KCNQ1: variants seen among roughly 807,000 people sequenced by gnomAD.
KCNQ1 encodes the protein potassium voltage-gated channel subfamily KQT member 1.
Under a neutral mutation model 72.4 loss-of-function variants are expected in KCNQ1, and 49 were observed. The ratio of observed to expected loss-of-function variants is 0.68; its 90% CI spans 0.54 to 0.86. The LOEUF is 0.86. Among genes scored for constraint, KCNQ1 ranks in the 40% least tolerant of loss-of-function variants. KCNQ1 has a pLI of 0.00. For missense variants in KCNQ1, 790 were observed against 945.1 expected (o/e 0.84, Z 2.15); for synonymous variants, 450 against 412.6 (o/e 1.09, Z -1.10).
chr11:2,457,944 C>T lies in KCNQ1; in HGVS notation c.386+12460C>T, dbSNP rs114443517. ...AAATATCTCTGTTTCCTGGAAAGGC[C>T]CAGGACCAAGGACCACTCAGCAGCT... is the stretch of plus-strand genomic sequence containing the variant. On this transcript the variant is annotated intron_variant, in intron 1 of 15. Coordinates refer to ENST00000155840, the MANE Select transcript of KCNQ1 (RefSeq NM_000218.3). The surrounding 1 kb of genome is among the most constrained non-coding windows in gnomAD (Gnocchi z 5.0). 3.9e-3 allele frequency among the ~76,000 whole-genome samples: 597 copies of T among 152,092 alleles called. 5 individuals are homozygous for T. The highest frequency in any genetic ancestry group is 0.013 in the African/African-American group (560 of 41,482).
At chr11:2,688,410 T>G in intron 11 of KCNQ1, 1 of 398,786 alleles carries the variant, frequency 2.5e-6, no homozygotes. Context: ...TGATCCTCTG[T>G]GTAGGCACTG....
chr11:2,518,259 C>T (rs906947311), intron 1 of KCNQ1, among the ~76,000 whole-genome samples: 3 of 152,228 alleles, frequency 2.0e-5, no homozygotes, highest in Admixed American at 2.0e-4. Context: ...AGCCGGAGGC[C>T]TCCTGAGAGC....
chr11:2,514,232 A>C (rs1379246672), intron 1 of KCNQ1, among the ~76,000 whole-genome samples: 1 of 152,218 alleles, frequency 6.6e-6, no homozygotes, highest in African/African-American at 2.4e-5. Context: ...CGTGCAGGAC[A>C]CTGGCTGCCT....
At chr11:2,696,149 G>A (rs1007063828) in intron 11 of KCNQ1, 6 of 398,476 alleles carry the variant, frequency 1.5e-5, no homozygotes, top group Non-Finnish European at 2.7e-5. Context: ...TTAGTCTTGA[G>A]GTTTGTGCTT....
At position 2,522,281 on chromosome 11, in the gene KCNQ1, C is replaced by T. The variant is rs532905178; in HGVS notation, c.387-5647C>T. On this transcript the variant is annotated intron_variant, in intron 1 of 15. Transcript: ENST00000155840. ...GGGACCACATGAGCTGGGGGGGGGT[C>T]GGTGTCTTCTCTCCCCCACCCCTTC... 6.5e-3 allele frequency among the ~76,000 whole-genome samples: 907 copies of T among 139,710 alleles called. 8 individuals are homozygous for T. Among genetic ancestry groups the T allele is most frequent in the African/African-American group, 0.023 (863 of 37,254 alleles). The allele number at this position is 139,710 out of a possible 152,430, so 91.7% of individuals were successfully genotyped here. A position where few individuals can be genotyped will look rare whatever the true frequency, so the allele number is the denominator to read the frequency against.
intron 1 of KCNQ1, among the ~76,000 whole-genome samples, chr11:2,466,573 G>A (rs755151919): frequency 3.3e-5 from 5 of 152,148 alleles, no homozygotes; most frequent in Non-Finnish European, 5.9e-5. Flanking sequence ...GCCCAGGCTC[G>A]GGGGCTTCTG....
intron 10 of KCNQ1, chr11:2,648,906 T>A (rs549705930): frequency 2.0e-5 from 8 of 398,244 alleles, no homozygotes; most frequent in African/African-American, 1.6e-4. Flanking sequence ...GTTGCATATA[T>A]AATTGTTATA....
rs1589957719 is a variant in KCNQ1, at chr11:2,572,033, TC to T, written c.706del (p.Leu236Ter). The stretch of plus-strand genomic sequence containing the variant: ...CGCAGGGGCATCCGCTTCCTGCAGA[TC>T]CTGAGGATGCTACACGTCGACCGCC... Reference protein sequence around the residue: ...SAIRGIRFLQILRMLHVDRQG... With the variant: ...SAIRGIRFLQXLRMLHVDRQG... On this transcript the variant is annotated frameshift_variant, in exon 5 of 16. Coordinates refer to ENST00000155840, the MANE Select transcript of KCNQ1 (RefSeq NM_000218.3). LOFTEE classifies it high-confidence loss of function. 2 of 1,612,650 alleles carry T rather than the reference TC, an allele frequency of 1.2e-6. No individual in the cohort carries two copies. Among genetic ancestry groups the T allele is most frequent in the Non-Finnish European group, 1.7e-6 (2 of 1,179,800 alleles).
rs74049370 is a variant in KCNQ1, at chr11:2,592,476, C to T, written c.1393+3622C>T. Among the ~76,000 whole-genome samples the T allele has an allele frequency of 0.051, 7,739 of 152,092 alleles. 662 individuals are homozygous for T. The highest frequency in any genetic ancestry group is 0.18 in the African/African-American group (7,293 of 41,482). ...AGCCCTCATCCCACGCAGCAGGGCC[C>T]GCTGCTGCTCCCTCAACCTTCTGAC... On this transcript the variant is annotated intron_variant, in intron 10 of 15. Transcript: ENST00000155840. This position sits in a 1 kb window ranked among gnomAD's most constrained non-coding sequence, Gnocchi z 5.2.
At chr11:2,709,069 C>T (rs1590045662) in intron 11 of KCNQ1, among the ~76,000 whole-genome samples, 1 of 152,138 alleles carries the variant, frequency 6.6e-6, no homozygotes, top group African/African-American at 2.4e-5. Flanking sequence ...GCTCCACCGC[C>T]CCTCCCTGAG....
At position 2,830,180 on chromosome 11, in the gene KCNQ1, C is replaced by T. The variant is rs1016127135; in HGVS notation, c.1795-17587C>T. Among the ~76,000 whole-genome samples the T allele has an allele frequency of 1.3e-5, 2 of 152,120 alleles. No individual in the cohort carries two copies. Among genetic ancestry groups the T allele is most frequent in the African/African-American group, 4.8e-5 (2 of 41,426 alleles). On this transcript the variant is annotated intron_variant, in intron 15 of 15. Transcript: ENST00000155840. The surrounding 1 kb of genome is among the most constrained non-coding windows in gnomAD (Gnocchi z 7.7). ...AGGGGAAAGACCAGCAGGCCCTTTA[C>T]ACCGTGGGCACAGGCTCAGGACTGG...
At chr11:2,510,786 C>T (rs1299505523) in intron 1 of KCNQ1, among the ~76,000 whole-genome samples, 2 of 152,182 alleles carry the variant, frequency 1.3e-5, no homozygotes, top group African/African-American at 4.8e-5. Context: ...CCTGGGAAGG[C>T]TGGCACGCTC....
chr11:2,738,528 CCCCCCACT>C (rs1270738814), intron 11 of KCNQ1, among the ~76,000 whole-genome samples: 1 of 152,214 alleles, frequency 6.6e-6, no homozygotes, highest in Non-Finnish European at 1.5e-5. Context: ...TGGCCAACCT[CCCCCCACT>C]CCCAGCCAGG....
In KCNQ1 at chr11:2,651,245, A is replaced by C. The variant is rs1849752087; in HGVS notation, c.1394-10716A>C. ...TCTCACAGCACACACAGCTTAATTC[A>C]GGAATTAAGCTGTGCTGGTCACTTA... On this transcript the variant is annotated intron_variant, in intron 10 of 15. Transcript: ENST00000155840. This position sits in a 1 kb window ranked among gnomAD's most constrained non-coding sequence, Gnocchi z 6.1. The C allele has an allele frequency of 5.0e-6, 2 of 398,634 alleles. No individual in the cohort carries two copies. The highest frequency in any genetic ancestry group is 8.8e-6 in the Non-Finnish European group (2 of 226,082). The allele number at this position is 398,634 out of a possible 1,614,324, so 24.7% of individuals were successfully genotyped here.
At position 2,547,822 on chromosome 11, in the gene KCNQ1, T is replaced by C. The variant is rs1410050731; in HGVS notation, c.477+19804T>C. Among the ~76,000 whole-genome samples, 1 of 152,146 alleles carries C rather than the reference T, an allele frequency of 6.6e-6. No homozygotes were observed. ...CAGTGGAGCGGCCGGGCTGCGAGTC[T>C]CTGTATGGAGGTGAAGGTCCAGATG... On this transcript the variant is annotated intron_variant, in intron 2 of 15. Coordinates refer to ENST00000155840, the MANE Select transcript of KCNQ1 (RefSeq NM_000218.3). This position sits in a 1 kb window ranked among gnomAD's most constrained non-coding sequence, Gnocchi z 4.2.
At chr11:2,777,132 T>C (rs762471613) in intron 14 of KCNQ1, 100 bp downstream of exon 14, 223 of 1,167,038 alleles carry the variant, frequency 1.9e-4, no homozygotes, top group Non-Finnish European at 2.6e-4. Context: ...AATGGGCCAT[T>C]GCACCTCCAA....
chr11:2,455,919 A>G (rs1038868814), intron 1 of KCNQ1, among the ~76,000 whole-genome samples: 3 of 152,268 alleles, frequency 2.0e-5, no homozygotes, highest in Non-Finnish European at 4.4e-5. Context: ...GATCATCAAT[A>G]AAATCAACAA....
At chr11:2,774,570 T>C (rs11024045) in intron 12 of KCNQ1, among the ~76,000 whole-genome samples, 23,613 of 152,234 alleles carry the variant, frequency 0.16, 2,048 homozygotes, top group South Asian at 0.22. Flanking sequence ...GTCTCTGCCC[T>C]GTCTTGGGAT....
At position 2,748,174 on chromosome 11, in the gene KCNQ1, C is replaced by G. The variant is rs1673180349; in HGVS notation, c.1515-20670C>G. On this transcript the variant is annotated intron_variant, in intron 11 of 15. Coordinates refer to ENST00000155840, the MANE Select transcript of KCNQ1 (RefSeq NM_000218.3). This position sits in a 1 kb window ranked among gnomAD's most constrained non-coding sequence, Gnocchi z 6.2. ...CACCCAGAACTGGCCAGGAAAGACC[C>G]CTACACAGACCCCCAGCTCTGCAGT... Among the ~76,000 whole-genome samples the G allele has an allele frequency of 6.6e-6, 1 of 152,142 alleles. No individual in the cohort carries two copies. Among genetic ancestry groups the G allele is most frequent in the African/African-American group, 2.4e-5 (1 of 41,418 alleles).
Sources: gnomAD v4.1 joint callset for allele counts (sites outside exome capture counted in the v4.1 genomes callset) on GRCh38, gnomAD v4.1.1 for gene constraint, Gnocchi (gnomAD v3.1) non-coding constraint, MANE v1.5 for transcripts, NCBI Gene and HGNC (gene_info 2026-07-23, HGNC 2026-07-21) for gene names.